Variants in AUTS2 observed in about 807,000 individuals in gnomAD.
AUTS2 encodes autism susceptibility gene 2 protein.
A neutral mutation model predicts 112.4 loss-of-function variants in AUTS2; 17 were observed. That is an observed-to-expected ratio of 0.15 (90% confidence interval 0.10 to 0.23). The LOEUF (loss-of-function observed/expected upper bound fraction) is 0.23, where lower values mean the gene tolerates loss of function less well. AUTS2 is among the 10% of genes least tolerant of loss of function. AUTS2 has a pLI of 1.00. For synonymous variants in AUTS2, 751 were observed against 702.7 expected (o/e 1.07, Z -1.09); for missense variants, 1,510 against 1,701.6 (o/e 0.89, Z 1.98).
chr7:70,495,446 A>G (rs1048794843), intron 5 of AUTS2, among the ~76,000 whole-genome samples: 1 of 151,972 alleles, frequency 6.6e-6, no homozygotes, highest in South Asian at 2.1e-4. Context: ...CCCAGTAAAC[A>G]GTTGCTTACA....
chr7:70,661,781 T>C (rs735429), intron 5 of AUTS2, among the ~76,000 whole-genome samples: 20,308 of 152,104 alleles, frequency 0.13, 2,207 homozygotes, highest in East Asian at 0.53. Context: ...CCAGGCTGTG[T>C]TGCACGAGCA....
chr7:69,840,691 C>G (rs1791938153), intron 1 of AUTS2, among the ~76,000 whole-genome samples: 1 of 152,154 alleles, frequency 6.6e-6, no homozygotes, highest in Admixed American at 6.5e-5. Context: ...GAGAAAGAGA[C>G]AGACAGACAC....
intron 5 of AUTS2, among the ~76,000 whole-genome samples, chr7:70,601,150 G>C (rs571313235): frequency 6.6e-6 from 1 of 152,316 alleles, no homozygotes; most frequent in Non-Finnish European, 1.5e-5. Flanking sequence ...GTTTATGAGA[G>C]TTCCAGTTTC....
chr7:70,587,183 C>A (rs190971895), intron 5 of AUTS2, among the ~76,000 whole-genome samples: 12 of 152,160 alleles, frequency 7.9e-5, no homozygotes, highest in African/African-American at 2.4e-4. Context: ...ACTTGAGCAA[C>A]CCTCCCACCT....
chr7:70,587,934 G>A (rs1253903004), intron 5 of AUTS2, among the ~76,000 whole-genome samples: 43 of 152,216 alleles, frequency 2.8e-4, no homozygotes, highest in Non-Finnish European at 1.9e-4. Context: ...TTTGAACAAG[G>A]TACTCCCCTC....
intron 2 of AUTS2, among the ~76,000 whole-genome samples, chr7:70,080,056 G>T (rs74703084): frequency 1.3e-5 from 2 of 152,224 alleles, no homozygotes; most frequent in Non-Finnish European, 2.9e-5. Flanking sequence ...CAACACTGTT[G>T]CACTTGGGGT....
At chr7:70,058,444 G>A (rs1207429726) in intron 2 of AUTS2, among the ~76,000 whole-genome samples, 3 of 152,148 alleles carry the variant, frequency 2.0e-5, no homozygotes, top group South Asian at 2.1e-4. Context: ...GTACCCCCCC[G>A]CTACGCATAG....
chr7:69,766,364 G>A (rs1205036974), intron 1 of AUTS2, among the ~76,000 whole-genome samples: 9 of 152,118 alleles, frequency 5.9e-5, no homozygotes, highest in African/African-American at 2.2e-4. Context: ...TCTACATTTG[G>A]GTTGCTTCCA....
intron 6 of AUTS2, among the ~76,000 whole-genome samples, chr7:70,750,087 T>G (rs1396106910): frequency 6.6e-6 from 1 of 152,130 alleles, no homozygotes; most frequent in Non-Finnish European, 1.5e-5. Context: ...TGGGTGTCTG[T>G]GGTCCCTCCC....
chr7:70,363,465 G>GAAAAAAAAAAAAAAAAAA (rs369462886), intron 4 of AUTS2, among the ~76,000 whole-genome samples: 4 of 110,740 alleles, frequency 3.6e-5, no homozygotes, highest in African/African-American at 1.1e-4. Context: ...ATAAAAAAAA[G>GAAAAAAAAAAAAAAAAAA]AAAAAAAAAA....
intron 4 of AUTS2, among the ~76,000 whole-genome samples, chr7:70,235,319 G>T (rs934140612): frequency 4.6e-5 from 7 of 151,756 alleles, no homozygotes; most frequent in African/African-American, 7.3e-5. Flanking sequence ...AAAAAAATGT[G>T]TGGAGACAGG....
At chr7:70,571,810 C>T (rs183701072) in intron 5 of AUTS2, among the ~76,000 whole-genome samples, 74 of 152,284 alleles carry the variant, frequency 4.9e-4, no homozygotes, top group Middle Eastern at 6.8e-3. Context: ...AGGGCAGTCA[C>T]GTCTTTGCAG....
chr7:70,582,055 T>A (rs1255039960), intron 5 of AUTS2, among the ~76,000 whole-genome samples: 1 of 151,528 alleles, frequency 6.6e-6, no homozygotes. Context: ...TTTTTTTTTT[T>A]AACCAGAGAT....
chr7:70,747,558 A>C (rs908672373), intron 6 of AUTS2, among the ~76,000 whole-genome samples: 1 of 152,158 alleles, frequency 6.6e-6, no homozygotes. Flanking sequence ...TCCCAGGTAC[A>C]AGTGATTTTG....
At chr7:70,464,501 A>G (rs894615494) in intron 5 of AUTS2, among the ~76,000 whole-genome samples, 5 of 152,232 alleles carry the variant, frequency 3.3e-5, no homozygotes, top group African/African-American at 1.2e-4. Flanking sequence ...CATCCTATTC[A>G]TAAATAAGGT....
chr7:70,143,423 A>G (rs1365007399), intron 4 of AUTS2, among the ~76,000 whole-genome samples: 2 of 152,246 alleles, frequency 1.3e-5, no homozygotes, highest in Non-Finnish European at 2.9e-5. Context: ...AAACTGTCAG[A>G]TCCTGTACAC....
At chr7:69,805,392 T>A (rs1000564403) in intron 1 of AUTS2, among the ~76,000 whole-genome samples, 1 of 152,036 alleles carries the variant, frequency 6.6e-6, no homozygotes, top group Non-Finnish European at 1.5e-5. Context: ...AGGAGACAAA[T>A]AATACGCAGA....
intron 1 of AUTS2, among the ~76,000 whole-genome samples, chr7:69,612,698 C>T (rs1430348735): frequency 1.3e-5 from 2 of 152,154 alleles, no homozygotes; most frequent in Admixed American, 1.3e-4. Flanking sequence ...TTAAGCGATC[C>T]TCCCATCTTG....
Position 70,787,225 on chromosome 7 carries a change from C to A in AUTS2, c.2325C>A (p.Phe775Leu). 1 of 1,614,182 alleles carries A rather than the reference C, an allele frequency of 6.2e-7. No homozygotes were observed. Among genetic ancestry groups the A allele is most frequent in the South Asian group, 1.1e-5 (1 of 91,084 alleles). The part of the protein sequence containing the change: ...GNPSVTPNSM[F>L]GHKDGPSVQN... ...CCATTTCAGCACCCAACTCAATGTT[C>A]GGCCACAAGGATGGCCCCAGTGTGC... The change falls in exon 18 of 19, where the codon TTC becomes TTA. Residue 775 changes from phenylalanine to leucine, a missense_variant. Physicochemically the swap from Phe to Leu is conservative, Grantham distance 22 (BLOSUM62 0). Around this residue, in one of 3 missense-constraint regions of AUTS2, gnomAD observed 788 missense variants for 797.6 expected, o/e 0.99. Transcript: ENST00000342771.
Sources: allele counts gnomAD v4.1 joint callset (sites outside exome capture counted in the v4.1 genomes callset), GRCh38; gene constraint gnomAD v4.1.1; regional missense constraint gnomAD v4.1.1; transcripts MANE v1.5; gene names NCBI Gene and HGNC (gene_info 2026-07-23, HGNC 2026-07-21).